The following RPS6KA5 variants were observed in gnomAD, a reference collection of about 807,000 sequenced individuals.
RPS6KA5 encodes the protein ribosomal protein S6 kinase alpha-5.
Under a neutral mutation model 85.5 loss-of-function variants are expected in RPS6KA5, and 27 were observed. The observed-to-expected ratio is 0.32, with a 90% CI of 0.23 to 0.44. RPS6KA5 has a LOEUF of 0.44. Among genes scored for constraint, RPS6KA5 ranks in the 20% least tolerant of loss-of-function variants. The pLI is 1.00. For missense variants in RPS6KA5, 811 were observed against 980.9 expected, an observed-to-expected ratio of 0.83 and a Z score of 2.31; for synonymous variants, 334 against 348.2, an observed-to-expected ratio of 0.96 and a Z score of 0.46.
At chr14:90,986,703 CCACCA>C in intron 2 of RPS6KA5, among the ~76,000 whole-genome samples, 2 of 152,228 alleles carry the variant, frequency 1.3e-5, no homozygotes, top group Middle Eastern at 6.8e-3. Flanking sequence ...TAGACAGGGG[CCACCA>C]CACCTGGAAG....
intron 5 of RPS6KA5, among the ~76,000 whole-genome samples, chr14:90,931,152 G>T (rs1399148056): frequency 6.6e-6 from 1 of 152,156 alleles, no homozygotes; most frequent in African/African-American, 2.4e-5. Flanking sequence ...TCCATCAACA[G>T]ATAAACGAAT....
chr14:90,923,920 C>T (rs1403707947), intron 5 of RPS6KA5, among the ~76,000 whole-genome samples: 2 of 151,944 alleles, frequency 1.3e-5, no homozygotes, highest in African/African-American at 4.8e-5. Flanking sequence ...TATGCAATTA[C>T]GTAGCTCATT....
intron 3 of RPS6KA5, among the ~76,000 whole-genome samples, chr14:90,957,819 G>A (rs569264619): frequency 9.6e-4 from 137 of 141,972 alleles, no homozygotes; most frequent in Middle Eastern, 3.6e-3. Context: ...AATTTCCTTT[G>A]TTTTTTTTTT....
chr14:91,001,455 A>T (rs2040793280), intron 1 of RPS6KA5, among the ~76,000 whole-genome samples: 1 of 152,232 alleles, frequency 6.6e-6, no homozygotes, highest in Admixed American at 6.5e-5. Context: ...AAAAATAAAT[A>T]AAAATTCTAA....
chr14:90,872,352 G>A, intron 16 of RPS6KA5, 30 bp from the exon 17 acceptor site: 1 of 1,582,578 alleles, frequency 6.3e-7, no homozygotes, highest in Non-Finnish European at 8.6e-7. Flanking sequence ...GAACCCCTGT[G>A]AAGGTAAAAG....
intron 3 of RPS6KA5, among the ~76,000 whole-genome samples, chr14:90,976,918 G>A (rs2039595200): frequency 6.6e-6 from 1 of 151,954 alleles, no homozygotes; most frequent in East Asian, 1.9e-4. Flanking sequence ...CAATAAAATG[G>A]CCAAATATAT....
At chr14:91,018,411 C>T (rs979348719) in intron 1 of RPS6KA5, among the ~76,000 whole-genome samples, 2 of 152,110 alleles carry the variant, frequency 1.3e-5, no homozygotes, top group Non-Finnish European at 2.9e-5. Flanking sequence ...GAGGGTGTTG[C>T]CAGAGGAGAC....
chr14:91,044,737 G>C (rs1187595401), intron 1 of RPS6KA5, among the ~76,000 whole-genome samples: 1 of 151,980 alleles, frequency 6.6e-6, no homozygotes, highest in Non-Finnish European at 1.5e-5. Context: ...CAGGTGTGGT[G>C]GCAGGCACCT....
At chr14:90,976,501 T>G (rs2039575928) in intron 3 of RPS6KA5, among the ~76,000 whole-genome samples, 1 of 152,212 alleles carries the variant, frequency 6.6e-6, no homozygotes, top group East Asian at 1.9e-4. Context: ...CCTTTCCATT[T>G]GTTTTCCATT....
intron 12 of RPS6KA5, 116 bp from the exon 13 acceptor site, chr14:90,894,699 T>C (rs781760920): frequency 4.4e-5 from 52 of 1,177,522 alleles, no homozygotes; most frequent in African/African-American, 6.2e-5. Context: ...CCTGTTAAAA[T>C]AATCAATGGC....
chr14:90,960,429 G>C (rs1403544503), intron 3 of RPS6KA5, among the ~76,000 whole-genome samples: 1 of 152,172 alleles, frequency 6.6e-6, no homozygotes, highest in Non-Finnish European at 1.5e-5. Flanking sequence ...TTCTGGGCTA[G>C]AGTTAGCAGT....
intron 14 of RPS6KA5, among the ~76,000 whole-genome samples, chr14:90,888,804 A>G (rs2034385387): frequency 6.6e-6 from 1 of 152,254 alleles, no homozygotes; most frequent in Non-Finnish European, 1.5e-5. Context: ...TAGACATTTA[A>G]GAATCTTCTC....
At chr14:91,055,636 G>C (rs756258313) in intron 1 of RPS6KA5, among the ~76,000 whole-genome samples, 5 of 152,116 alleles carry the variant, frequency 3.3e-5, no homozygotes, top group Non-Finnish European at 7.4e-5. Flanking sequence ...AATTAGCCAG[G>C]TGTGGTGGTG....
chr14:90,912,710 T>G (rs1286562289), intron 7 of RPS6KA5, among the ~76,000 whole-genome samples: 3 of 152,078 alleles, frequency 2.0e-5, no homozygotes, highest in South Asian at 2.1e-4. Flanking sequence ...CCACTTAACC[T>G]GTGTTTCCCT....
intron 4 of RPS6KA5, among the ~76,000 whole-genome samples, chr14:90,944,680 G>A (rs1467995269): frequency 4.6e-5 from 7 of 151,790 alleles, no homozygotes; most frequent in African/African-American, 1.7e-4. Context: ...ACTTGAACCC[G>A]GGAGGTGGAG....
In RPS6KA5 at chr14:90,851,774, G is replaced by A. The variant is rs1043720038; in HGVS notation, c.*20300C>T. ...CTTTAGATACTGGTAGATATCATTAGTAAAAACTGAATGGTTTTTACTAAT... is the reference window on the plus strand; with the variant it reads ...CTTTAGATACTGGTAGATATCATTAATAAAAACTGAATGGTTTTTACTAAT... On this transcript the variant is annotated 3_prime_UTR_variant, in exon 17 of 17. Transcript: ENST00000614987. 6.6e-6 allele frequency: 1 copy of A among 152,146 alleles called. No homozygotes were observed. Among genetic ancestry groups the A allele is most frequent in the African/African-American group, 2.4e-5 (1 of 41,412 alleles). 9.4% of individuals were successfully genotyped at this position (152,146 alleles called of 1,614,324 possible).
In RPS6KA5 at chr14:90,935,292, C is replaced by CA. The variant is rs555940154; in HGVS notation, c.618+7785dup. Among the ~76,000 whole-genome samples, 252 of 149,856 alleles carry CA rather than the reference C, an allele frequency of 1.7e-3. 1 individual carries two copies. The highest frequency in any genetic ancestry group is 6.8e-3 in the Middle Eastern group (2 of 294). ...TAGAGAAAGATGTAATTTAAAACTA[C>CA]AAAAAAGAAAATAAAGAGAATAATT... On this transcript the variant is annotated intron_variant, in intron 5 of 16. Coordinates refer to ENST00000614987, the MANE Select transcript of RPS6KA5 (RefSeq NM_004755.4).
At chr14:90,998,007 GAAAAAAAAAAA>G (rs58227226) in intron 2 of RPS6KA5, among the ~76,000 whole-genome samples, 2 of 59,900 alleles carry the variant, frequency 3.3e-5, no homozygotes, top group African/African-American at 6.5e-5. Context: ...GACTCTGTCT[GAAAAAAAAAAA>G]AAAAAAAAAA....
At chr14:90,956,444 C>T (rs2038514014) in intron 3 of RPS6KA5, among the ~76,000 whole-genome samples, 1 of 152,124 alleles carries the variant, frequency 6.6e-6, no homozygotes, top group Non-Finnish European at 1.5e-5. Context: ...GTAAACAGCA[C>T]ATAGTGAGAT....
Sources: gnomAD v4.1 joint callset for allele counts (sites outside exome capture counted in the v4.1 genomes callset) on GRCh38, gnomAD v4.1.1 for gene constraint, MANE v1.5 for transcripts, NCBI Gene and HGNC (gene_info 2026-07-23, HGNC 2026-07-21) for gene names.